PRX: variants seen among roughly 807,000 people sequenced by gnomAD.
PRX encodes periaxin.
PRX carries 24 observed loss-of-function variants against 29.6 expected under a neutral mutation model. The observed-to-expected ratio is 0.81, with a 90% CI of 0.59 to 1.14. PRX has a LOEUF of 1.14. Among genes scored for constraint, PRX ranks in the 50% most tolerant of loss-of-function variants. The probability of loss-of-function intolerance (pLI) is 0.00; values close to 1 mark genes in which losing one functional copy is unlikely to be tolerated. For synonymous variants in PRX, 772 were observed against 831.7 expected (o/e 0.93, Z 1.24); for missense variants, 1,838 against 1,926.4 (o/e 0.95, Z 0.86).
Position 40,394,238 on chromosome 19 carries a change from C to T in PRX, c.4114G>A (p.Gly1372Ser). Residue 1372 changes from glycine to serine, a missense_variant, in exon 7 of 7, where the codon GGC becomes AGC. Gly to Ser is a moderately conservative substitution (Grantham distance 56). This residue lies in a region of PRX where 1,143 missense variants were observed against 1,193.0 expected (regional missense o/e 0.96). Coordinates refer to ENST00000324001, the MANE Select transcript of PRX (RefSeq NM_181882.3). This position sits in a 1 kb window ranked among gnomAD's most constrained non-coding sequence, Gnocchi z 5.8. ...CGTGGCAAGCGGACCCGGACCCGGC[C>T]CCGGCGACCCGAGGCCCCTTCCCCA... ...GSGEGASGRR[G>S]RVRVRLPRVG... 1 of 1,605,534 alleles carries T rather than the reference C, an allele frequency of 6.2e-7. No homozygotes were observed. The highest frequency in any genetic ancestry group is 8.5e-7 in the Non-Finnish European group (1 of 1,173,716).
intron 5 of PRX, among the ~76,000 whole-genome samples, chr19:40,399,726 T>A: frequency 6.6e-6 from 1 of 152,160 alleles, no homozygotes; most frequent in Non-Finnish European, 1.5e-5. Flanking sequence ...CTTTCTTTCT[T>A]TTCTAAACAG....
rs374969898 is a variant in PRX, at chr19:40,394,890, C to G, written c.3462G>C (p.Gln1154His). The G allele has an allele frequency of 5.6e-6, 9 of 1,611,410 alleles. No homozygotes were observed. Among genetic ancestry groups the G allele is most frequent in the Non-Finnish European group, 7.6e-6 (9 of 1,179,992 alleles). Reference sequence around the variant, plus strand: ...CCTCCCCAAAGCCGGTCAGCTCCACCTGTGGCAGGGAGATGCCCAGCGGAG... The same window carrying G: ...CCTCCCCAAAGCCGGTCAGCTCCACGTGTGGCAGGGAGATGCCCAGCGGAG... ...RMPPLGISLP[Q>H]VELTGFGEAG... Residue 1154 changes from glutamine to histidine, a missense_variant, in exon 7 of 7, where the codon CAG becomes CAC. Transcript: ENST00000324001. The surrounding 1 kb of genome is among the most constrained non-coding windows in gnomAD (Gnocchi z 5.8).
rs2079463075 is a variant in PRX, at chr19:40,398,447, C to A, written c.381+173G>T. 6.6e-6 allele frequency: 10 copies of A among 1,516,864 alleles called. No individual in the cohort carries two copies. The South Asian group carries it at 1.0e-4, about 15-fold the overall frequency. The allele number at this position is 1,516,864 out of a possible 1,614,324, so 94.0% of individuals were successfully genotyped here. On this transcript the variant is annotated intron_variant, in intron 6 of 6. Coordinates refer to ENST00000324001, the MANE Select transcript of PRX (RefSeq NM_181882.3). This position sits in a 1 kb window ranked among gnomAD's most constrained non-coding sequence, Gnocchi z 6.3. ...CCCTGGGCTGGGGTGGGTCTGTCCCCCTTCCCGGGGAAGAGTTTGGGGCAG... is the reference window on the plus strand; with the variant it reads ...CCCTGGGCTGGGGTGGGTCTGTCCCACTTCCCGGGGAAGAGTTTGGGGCAG...
Position 40,394,719 on chromosome 19 carries a change from A to G in PRX, c.3633T>C (p.Phe1211=), listed in dbSNP as rs2145726005. 1 of 1,612,502 alleles carries G rather than the reference A, an allele frequency of 6.2e-7. No homozygotes were observed. Among genetic ancestry groups the G allele is most frequent in the Non-Finnish European group, 8.5e-7 (1 of 1,179,980 alleles). The change falls in exon 7 of 7, where the codon TTT becomes TTC. Residue 1211 remains phenylalanine (F), a synonymous_variant. Coordinates refer to ENST00000324001, the MANE Select transcript of PRX (RefSeq NM_181882.3). The surrounding 1 kb of genome is among the most constrained non-coding windows in gnomAD (Gnocchi z 5.8). The part of the protein sequence containing the change: ...GGELLVGEGV[F]KMPTVTVPQL... ...GGGGCACTGTCACGGTGGGCATCTT[A>G]AAGACACCCTCACCCACCAGCAGCT... is the stretch of plus-strand genomic sequence containing the variant.
At chr19:40,409,473 T>TATG (rs2079548795) in intron 1 of PRX, among the ~76,000 whole-genome samples, 1 of 148,534 alleles carries the variant, frequency 6.7e-6, no homozygotes. Context: ...TTATTATTAT[T>TATG]ATTATTATTA....
intron 1 of PRX, among the ~76,000 whole-genome samples, chr19:40,409,829 A>G (rs961278888): frequency 6.6e-6 from 1 of 152,062 alleles, no homozygotes; most frequent in Non-Finnish European, 1.5e-5. Flanking sequence ...AGCGCCCCAC[A>G]TGCTCCACTG....
intron 5 of PRX, among the ~76,000 whole-genome samples, chr19:40,400,541 G>A (rs1317400330): frequency 1.2e-4 from 16 of 137,494 alleles, no homozygotes; most frequent in Non-Finnish European, 2.3e-4. Flanking sequence ...GCGGTGAGCT[G>A]AGATCGTGCC....
At chr19:40,400,299 A>C (rs1388549043) in intron 5 of PRX, among the ~76,000 whole-genome samples, 2 of 144,066 alleles carry the variant, frequency 1.4e-5, no homozygotes, top group African/African-American at 2.6e-5. Flanking sequence ...TTTTTTTTTT[A>C]AGACAAGATC....
rs766751544 is a variant in PRX at position 40,396,424 on chromosome 19, T to G, written c.1928A>C (p.Lys643Thr). ...ATCGGGCACAGCCATCTCGGGCACC[T>G]TCGGGAGTTTCACCTCAGGGAGTTT... is the stretch of plus-strand genomic sequence containing the variant. ...EMKLPEVKLPKVPEMAVPDVH... is the reference protein window; with the variant it reads ...EMKLPEVKLPTVPEMAVPDVH... Residue 643 changes from lysine (K) to threonine (T), a missense_variant, in exon 7 of 7, where the codon AAG becomes ACG. By Grantham distance (78) the Lys-to-Thr change is moderately conservative (BLOSUM62 -1). Coordinates refer to ENST00000324001, the MANE Select transcript of PRX (RefSeq NM_181882.3). The G allele has an allele frequency of 1.2e-6, 2 of 1,613,188 alleles. No homozygotes were observed.
chr19:40,397,234 G>A lies in PRX; in HGVS notation c.1118C>T (p.Ala373Val). The A allele has an allele frequency of 6.2e-7, 1 of 1,613,908 alleles. No homozygotes were observed. Among genetic ancestry groups the A allele is most frequent in the Non-Finnish European group, 8.5e-7 (1 of 1,180,030 alleles). The change falls in exon 7 of 7, where the codon GCT (alanine) becomes GTT (valine). Residue 373 changes from alanine (A) to valine (V), a missense_variant. By Grantham distance (64) the Ala-to-Val change is moderately conservative. Coordinates refer to ENST00000324001, the MANE Select transcript of PRX (RefSeq NM_181882.3). ...PRFGARAKEV[A>V]EAKVAKVSPE... is the part of the protein sequence containing the mutation. ...GCTGACCTTGGCTACCTTGGCCTCA[G>A]CAACTTCCTTTGCTCGAGCCCCAAA...
Position 40,413,341 on chromosome 19 carries a change from T to A in PRX, c.-246A>T, listed in dbSNP as rs2079567599. On this transcript the variant is annotated 5_prime_UTR_variant, in exon 1 of 7. Coordinates refer to ENST00000324001, the MANE Select transcript of PRX (RefSeq NM_181882.3). ...GACCGGCCGGCTGATCTCTTACCGC[T>A]GAGCCTCCAGACACCTCGAGAGCTC... 1 of 152,186 alleles carries A rather than the reference T, an allele frequency of 6.6e-6. No homozygotes were observed. Among genetic ancestry groups the A allele is most frequent in the African/African-American group, 2.4e-5 (1 of 41,372 alleles). 9.4% of individuals were successfully genotyped at this position (152,186 alleles called of 1,614,324 possible). A position where few individuals can be genotyped will look rare whatever the true frequency, so the allele number is the denominator to read the frequency against.
In PRX at chr19:40,403,639, G is replaced by C. The variant is rs996334354; in HGVS notation, c.184+67C>G. ...CCCGGTCAGTTTCAGCCTCTCTTTG[G>C]ACCCAAGGCAGATTCCTAACCCCGC... On this transcript the variant is annotated intron_variant, in intron 5 of 6. Transcript: ENST00000324001. The C allele has an allele frequency of 4.0e-4, 590 of 1,489,062 alleles. 3 individuals are homozygous for C. The highest frequency in any genetic ancestry group is 7.8e-5 in the Non-Finnish European group (87 of 1,116,988). The allele number at this position is 1,489,062 out of a possible 1,614,324, so 92.2% of individuals were successfully genotyped here.
chr19:40,402,365 A>G (rs1000304439), intron 5 of PRX, among the ~76,000 whole-genome samples: 3 of 151,832 alleles, frequency 2.0e-5, no homozygotes, highest in African/African-American at 7.3e-5. Context: ...AAATAAATAA[A>G]TAAATAAAAT....
At chr19:40,412,536 A>G (rs562254968) in intron 1 of PRX, among the ~76,000 whole-genome samples, 1 of 152,304 alleles carries the variant, frequency 6.6e-6, no homozygotes, top group South Asian at 2.1e-4. Context: ...TGTGCTTCTC[A>G]CAGTGTTGCA....
rs1435032309 is a variant in PRX at position 40,394,702 on chromosome 19, G to A, written c.3650C>T (p.Thr1217Ile). The A allele has an allele frequency of 1.2e-6, 2 of 1,611,494 alleles. No homozygotes were observed. The highest frequency in any genetic ancestry group is 2.7e-5 in the African/African-American group (2 of 75,042). The stretch of plus-strand genomic sequence containing the variant: ...CACGTCCAGCTCAAGCTGGGGCACT[G>A]TCACGGTGGGCATCTTAAAGACACC... ...GEGVFKMPTV[T>I]VPQLELDVGL... The change falls in exon 7 of 7, where the codon ACA becomes ATA. Residue 1217 changes from threonine to isoleucine, a missense_variant. Coordinates refer to ENST00000324001, the MANE Select transcript of PRX (RefSeq NM_181882.3). This position sits in a 1 kb window ranked among gnomAD's most constrained non-coding sequence, Gnocchi z 5.8.
chr19:40,398,742 C>G lies in PRX; in HGVS notation c.259G>C (p.Ala87Pro), dbSNP rs1274747511. 1 of 1,614,058 alleles carries G rather than the reference C, an allele frequency of 6.2e-7. No individual in the cohort carries two copies. The highest frequency in any genetic ancestry group is 8.5e-7 in the Non-Finnish European group (1 of 1,179,966). ...CAGAAGGAGACTTTGTAAGGCTCGG[C>G]GCATTGCAGCAGGCGTAGTGCGTCC... ...YEDALRLLQC[A>P]EPYKVSFCLK... The change falls in exon 6 of 7, where the codon GCC (alanine) becomes CCC (proline). Residue 87 changes from alanine to proline, a missense_variant. Coordinates refer to ENST00000324001, the MANE Select transcript of PRX (RefSeq NM_181882.3). This position sits in a 1 kb window ranked among gnomAD's most constrained non-coding sequence, Gnocchi z 6.3.
chr19:40,399,192 TC>T (rs1370343587), intron 5 of PRX, among the ~76,000 whole-genome samples: 8 of 152,080 alleles, frequency 5.3e-5, no homozygotes, highest in Non-Finnish European at 1.2e-4. Context: ...GCCTTCCTGT[TC>T]CTGGGGATGA....
intron 5 of PRX, among the ~76,000 whole-genome samples, chr19:40,401,334 C>T (rs1263265103): frequency 6.6e-6 from 1 of 151,820 alleles, no homozygotes; most frequent in Non-Finnish European, 1.5e-5. Context: ...GCTCTGTTGC[C>T]CAAGCTGGAG....
chr19:40,398,809 C>T lies in PRX; in HGVS notation c.192G>A (p.Gln64=). The T allele has an allele frequency of 3.1e-6, 5 of 1,614,052 alleles. No individual in the cohort carries two copies. Among genetic ancestry groups the T allele is most frequent in the Non-Finnish European group, 4.2e-6 (5 of 1,179,960 alleles). Residue 64 remains glutamine (Q), a synonymous_variant, in exon 6 of 7, where the codon CAG becomes CAA. Coordinates refer to ENST00000324001, the MANE Select transcript of PRX (RefSeq NM_181882.3). The surrounding 1 kb of genome is among the most constrained non-coding windows in gnomAD (Gnocchi z 6.3). ...ARSLSLQEGD[Q]LLSARVFFEN... ...CGAAGAACACTCGGGCACTCAGCAG[C>T]TGGTCCCCTGCGGGCGAGGTGGAGG... is the stretch of plus-strand genomic sequence containing the variant.
Sources: allele counts gnomAD v4.1 joint callset (sites outside exome capture counted in the v4.1 genomes callset), GRCh38; gene constraint gnomAD v4.1.1; regional missense constraint gnomAD v4.1.1; non-coding constraint Gnocchi (gnomAD v3.1); transcripts MANE v1.5; gene names NCBI Gene and HGNC (gene_info 2026-07-23, HGNC 2026-07-21).